Variants in RBFOX1 observed in about 807,000 individuals in gnomAD.
RBFOX1 encodes the protein RNA binding fox-1 homolog 1.
Under a neutral mutation model 57.7 loss-of-function variants are expected in RBFOX1, and 8 were observed. The ratio of observed to expected loss-of-function variants is 0.14; its 90% CI spans 0.08 to 0.25. RBFOX1 has a LOEUF of 0.25. RBFOX1 is among the 10% of genes least tolerant of loss of function. The probability of loss-of-function intolerance (pLI) is 1.00; values close to 1 mark genes in which losing one functional copy is unlikely to be tolerated. For synonymous variants in RBFOX1, 326 were observed against 222.4 expected (o/e 1.47, Z -4.15); for missense variants, 611 against 548.5 (o/e 1.11, Z -1.14).
intron 1 of RBFOX1, among the ~76,000 whole-genome samples, chr16:6,244,899 C>G (rs1312143400): frequency 6.6e-6 from 1 of 151,984 alleles, no homozygotes; most frequent in African/African-American, 2.4e-5. Flanking sequence ...ATTCTGGTGT[C>G]CTTTGGCAAA....
At chr16:7,077,742 C>T (rs903378898) in intron 4 of RBFOX1, among the ~76,000 whole-genome samples, 3 of 152,142 alleles carry the variant, frequency 2.0e-5, no homozygotes, top group Non-Finnish European at 2.9e-5. Flanking sequence ...AAGTATTAGT[C>T]GTATTAAACT....
intron 1 of RBFOX1, among the ~76,000 whole-genome samples, chr16:5,373,888 G>A (rs965419789): frequency 3.3e-5 from 5 of 152,094 alleles, no homozygotes; most frequent in Non-Finnish European, 7.3e-5. Context: ...ACAGGCATGA[G>A]CCACTGTGCC....
At chr16:6,575,041 T>A (rs1275827612) in intron 2 of RBFOX1, among the ~76,000 whole-genome samples, 2 of 142,176 alleles carry the variant, frequency 1.4e-5, no homozygotes, top group African/African-American at 5.5e-5. Context: ...CCGTCTCAAT[T>A]AAAAAAAAAA....
rs138974645 is a variant in RBFOX1 at position 5,713,366 on chromosome 16, C to T, written c.318+114405C>T. On this transcript the variant is annotated intron_variant, in intron 3 of 19. Transcript: ENST00000641259. ...TAAGTACAGGAATGAGATTAAGGGG[C>T]GTTTAAGAGCTCTTCTTGCCATTTG... Among the ~76,000 whole-genome samples the T allele has an allele frequency of 4.0e-3, 611 of 152,190 alleles. 6 individuals carry two copies. Among genetic ancestry groups the T allele is most frequent in the African/African-American group, 0.013 (540 of 41,544 alleles).
intron 3 of RBFOX1, among the ~76,000 whole-genome samples, chr16:5,831,826 A>G (rs1289747121): frequency 6.6e-6 from 1 of 152,180 alleles, no homozygotes; most frequent in Non-Finnish European, 1.5e-5. Flanking sequence ...TATAGTGGTG[A>G]AATAAACAAA....
At chr16:7,291,111 T>G (rs1242788113) in intron 4 of RBFOX1, among the ~76,000 whole-genome samples, 1 of 152,218 alleles carries the variant, frequency 6.6e-6, no homozygotes, top group Non-Finnish European at 1.5e-5. Flanking sequence ...TAAGTGATTA[T>G]AGCCCTAGGT....
intron 3 of RBFOX1, among the ~76,000 whole-genome samples, chr16:6,712,569 C>G (rs1568317977): frequency 6.6e-6 from 1 of 152,182 alleles, no homozygotes; most frequent in Non-Finnish European, 1.5e-5. Flanking sequence ...ACCCAAGCTT[C>G]AGTCCAATGT....
intron 1 of RBFOX1, among the ~76,000 whole-genome samples, chr16:6,100,091 T>C (rs1052886053): frequency 6.6e-6 from 1 of 152,188 alleles, no homozygotes; most frequent in South Asian, 2.1e-4. Context: ...TGCTCTAAAG[T>C]AGTCAACTTC....
chr16:6,891,040 A>G (rs2065291367), intron 3 of RBFOX1, among the ~76,000 whole-genome samples: 1 of 152,084 alleles, frequency 6.6e-6, no homozygotes, highest in East Asian at 1.9e-4. Flanking sequence ...GTTACGTCTG[A>G]TTCCCCTTCA....
At chr16:7,671,841 G>C (rs2071550755) in intron 13 of RBFOX1, among the ~76,000 whole-genome samples, 2 of 152,204 alleles carry the variant, frequency 1.3e-5, no homozygotes, top group African/African-American at 4.8e-5. Flanking sequence ...CTGTTTCCAT[G>C]ACTGAGTGCT....
chr16:7,196,295 C>A (rs892262363), intron 4 of RBFOX1, among the ~76,000 whole-genome samples: 4 of 152,142 alleles, frequency 2.6e-5, no homozygotes, highest in Non-Finnish European at 5.9e-5. Flanking sequence ...GTTATCTTCA[C>A]TCTCCCCTTT....
At chr16:6,221,205 G>T (rs1387857936) in intron 1 of RBFOX1, among the ~76,000 whole-genome samples, 4 of 152,164 alleles carry the variant, frequency 2.6e-5, no homozygotes, top group Non-Finnish European at 4.4e-5. Context: ...TCATAGCAAT[G>T]TATATAACTA....
intron 4 of RBFOX1, among the ~76,000 whole-genome samples, chr16:7,329,434 C>G (rs1417042149): frequency 6.6e-6 from 1 of 152,194 alleles, no homozygotes; most frequent in African/African-American, 2.4e-5. Context: ...GAAAGACACA[C>G]GACATAGTGT....
At position 7,010,305 on chromosome 16, in the gene RBFOX1, A is replaced by G. The variant is rs745669165; in HGVS notation, c.-15-41752A>G. Among the ~76,000 whole-genome samples, 7 of 152,364 alleles carry G rather than the reference A, an allele frequency of 4.6e-5. No individual in the cohort carries two copies. The South Asian group carries it at 1.2e-3, about 27-fold the overall frequency. ...TGCTTTTCATGAACATTTAGAGAAC[A>G]CTAGAGAAAGAACTTACATTGTGAG... On this transcript the variant is annotated intron_variant, in intron 3 of 15. Coordinates refer to ENST00000550418, the MANE Select transcript of RBFOX1 (RefSeq NM_018723.4).
chr16:6,749,182 G>T (rs961976267), intron 3 of RBFOX1, among the ~76,000 whole-genome samples: 1 of 152,204 alleles, frequency 6.6e-6, no homozygotes, highest in African/African-American at 2.4e-5. Flanking sequence ...GCAGATCTGA[G>T]TTTGGATCCT....
At chr16:7,521,024 G>C (rs914780635) in intron 5 of RBFOX1, among the ~76,000 whole-genome samples, 3 of 152,218 alleles carry the variant, frequency 2.0e-5, no homozygotes, top group African/African-American at 4.8e-5. Context: ...CAAATAGCAT[G>C]TGTGATAGAT....
At chr16:6,827,609 GC>G (rs1292879316) in intron 3 of RBFOX1, among the ~76,000 whole-genome samples, 1 of 152,082 alleles carries the variant, frequency 6.6e-6, no homozygotes, top group Non-Finnish European at 1.5e-5. Context: ...AGTATCCCCT[GC>G]CAGCCCCATC....
At chr16:6,320,856 C>T (rs762618779) in intron 2 of RBFOX1, among the ~76,000 whole-genome samples, 22 of 152,230 alleles carry the variant, frequency 1.4e-4, no homozygotes, top group East Asian at 3.9e-4. Flanking sequence ...TGCAGTGGCA[C>T]GATCTCAGCT....
intron 4 of RBFOX1, among the ~76,000 whole-genome samples, chr16:7,097,666 G>A (rs941724357): frequency 6.6e-6 from 1 of 152,132 alleles, no homozygotes; most frequent in Non-Finnish European, 1.5e-5. Flanking sequence ...CTCTGCATCT[G>A]GTTTTGATCT....
Sources: allele counts gnomAD v4.1 joint callset (sites outside exome capture counted in the v4.1 genomes callset), GRCh38; gene constraint gnomAD v4.1.1; transcripts MANE v1.5; gene names NCBI Gene and HGNC (gene_info 2026-07-23, HGNC 2026-07-21).